Variants in DGKI observed in about 807,000 individuals in gnomAD.
DGKI encodes diacylglycerol kinase iota, also known as DAG kinase iota.
A neutral mutation model predicts 147.5 loss-of-function variants in DGKI; 55 were observed. The ratio of observed to expected loss-of-function variants is 0.37; its 90% confidence interval spans 0.30 to 0.47. The LOEUF (loss-of-function observed/expected upper bound fraction) is 0.47, where lower values mean the gene tolerates loss of function less well. Ranked by LOEUF, DGKI falls within the 20% of genes least tolerant of loss-of-function variation. DGKI has a pLI of 1.00. For synonymous variants in DGKI, 469 were observed against 477.1 expected (o/e 0.98, Z 0.22); for missense variants, 1,007 against 1,323.8 (o/e 0.76, Z 3.71).
intron 6 of DGKI, among the ~76,000 whole-genome samples, chr7:137,635,988 A>C (rs1197968767): frequency 6.6e-6 from 1 of 152,158 alleles, no homozygotes; most frequent in African/African-American, 2.4e-5. Flanking sequence ...GTTACTTTGG[A>C]ATTTTTGTGT....
intron 1 of DGKI, among the ~76,000 whole-genome samples, chr7:137,691,211 C>T (rs560255417): frequency 3.1e-4 from 47 of 152,288 alleles, no homozygotes; most frequent in African/African-American, 1.1e-3. Context: ...GGAGCATGTA[C>T]ATTTAAGCAG....
intron 1 of DGKI, among the ~76,000 whole-genome samples, chr7:137,798,576 C>G (rs780838014): frequency 1.3e-5 from 2 of 152,036 alleles, no homozygotes; most frequent in Non-Finnish European, 2.9e-5. Context: ...TGCACCATCA[C>G]GCCTAGCTAA....
rs763612627 is a variant in DGKI, at chr7:137,552,580, A to G, written c.1948-12T>C. ...ACTTGCAGGGCTGCCTATAAAAACA[A>G]GAGTCAAAGGGGAGCAAGGAGTTAG... On this transcript the variant is annotated splice_polypyrimidine_tract_variant and intron_variant, in intron 19 of 32. Transcript: ENST00000614521. 58 of 1,613,562 alleles carry G rather than the reference A, an allele frequency of 3.6e-5. No homozygotes were observed. The highest frequency in any genetic ancestry group is 1.3e-4 in the Admixed American group (8 of 59,986).
At chr7:137,737,204 CAAA>C (rs763572711) in intron 1 of DGKI, among the ~76,000 whole-genome samples, 2,009 of 83,504 alleles carry the variant, frequency 0.024, 41 homozygotes, top group African/African-American at 0.074. Context: ...CTCATTTCAC[CAAA>C]AAAAAAAAAA....
intron 2 of DGKI, among the ~76,000 whole-genome samples, chr7:137,686,863 G>A (rs1004683159): frequency 3.3e-5 from 5 of 152,172 alleles, no homozygotes; most frequent in Non-Finnish European, 7.3e-5. Context: ...ATAGGCTAGT[G>A]TCAGAACACG....
At chr7:137,794,627 C>T (rs1796968440) in intron 1 of DGKI, among the ~76,000 whole-genome samples, 1 of 152,202 alleles carries the variant, frequency 6.6e-6, no homozygotes, top group Non-Finnish European at 1.5e-5. Flanking sequence ...GCTGATGCTG[C>T]ACTCTTTGAA....
At chr7:137,570,797 C>T (rs1818767395) in intron 19 of DGKI, among the ~76,000 whole-genome samples, 2 of 152,138 alleles carry the variant, frequency 1.3e-5, no homozygotes. Flanking sequence ...CCATGTTGGT[C>T]AGGCTCTTCT....
intron 28 of DGKI, among the ~76,000 whole-genome samples, chr7:137,427,628 G>A (rs1485509628): frequency 2.6e-5 from 4 of 151,930 alleles, no homozygotes; most frequent in Non-Finnish European, 5.9e-5. Context: ...TTTTTGAAAG[G>A]ATCAACAAAA....
At chr7:137,457,053 C>T (rs1367558996) in intron 27 of DGKI, among the ~76,000 whole-genome samples, 1 of 152,114 alleles carries the variant, frequency 6.6e-6, no homozygotes, top group Non-Finnish European at 1.5e-5. Flanking sequence ...TCATTTCAAA[C>T]TCAAGGTAAG....
intron 1 of DGKI, among the ~76,000 whole-genome samples, chr7:137,740,658 C>A (rs1385058531): frequency 6.6e-6 from 1 of 152,178 alleles, no homozygotes; most frequent in Non-Finnish European, 1.5e-5. Context: ...AACAACTAAG[C>A]AACATGCTTG....
chr7:137,390,081 T>A lies in DGKI; in HGVS notation c.*1139A>T, dbSNP rs1585067565. 6.6e-6 allele frequency: 1 copy of A among 152,126 alleles called. No individual in the cohort carries two copies. The highest frequency in any genetic ancestry group is 1.5e-5 in the Non-Finnish European group (1 of 68,028). The allele number at this position is 152,126 out of a possible 1,614,324, so 9.4% of individuals were successfully genotyped here. A position where few individuals can be genotyped will look rare whatever the true frequency, so the allele number is the denominator to read the frequency against. ...TAAAATGGGGCTCCTCTCACCACTGTATCCAACAGTCTATAGTTATTAGCC... is the reference window on the plus strand; with the variant it reads ...TAAAATGGGGCTCCTCTCACCACTGAATCCAACAGTCTATAGTTATTAGCC... On this transcript the variant is annotated 3_prime_UTR_variant, in exon 33 of 33. Coordinates refer to ENST00000614521, the MANE Select transcript of DGKI (RefSeq NM_001321708.2).
intron 21 of DGKI, among the ~76,000 whole-genome samples, chr7:137,508,219 CTTTTTTTTTTTTTTTTTTT>C (rs1171968411): frequency 3.9e-4 from 36 of 92,534 alleles, no homozygotes; most frequent in African/African-American, 1.5e-3. Context: ...AGACAGGTTT[CTTTTTTTTTTTTTTTTTTT>C]TTTTTTTGAG....
At chr7:137,394,912 AT>A (rs1339028185) in intron 32 of DGKI, among the ~76,000 whole-genome samples, 4 of 152,212 alleles carry the variant, frequency 2.6e-5, no homozygotes, top group African/African-American at 9.6e-5. Flanking sequence ...AAAGAGCTCA[AT>A]TTAATTTAAG....
chr7:137,712,312 T>G (rs3800630), intron 1 of DGKI, among the ~76,000 whole-genome samples: 49,755 of 151,998 alleles, frequency 0.33, 8,919 homozygotes, highest in South Asian at 0.5. Flanking sequence ...AATATTTTGT[T>G]GTATCCTACT....
chr7:137,444,922 C>T (rs1813655667), intron 27 of DGKI, among the ~76,000 whole-genome samples: 1 of 152,026 alleles, frequency 6.6e-6, no homozygotes, highest in African/African-American at 2.4e-5. Context: ...AGACATATAA[C>T]ATTATATTCA....
chr7:137,405,168 T>A (rs1811895469), intron 30 of DGKI, among the ~76,000 whole-genome samples: 1 of 152,250 alleles, frequency 6.6e-6, no homozygotes, highest in South Asian at 2.1e-4. Flanking sequence ...TGAGGAGTTC[T>A]GCTGTTTTCA....
intron 23 of DGKI, among the ~76,000 whole-genome samples, chr7:137,480,863 G>A (rs772889887): frequency 6.6e-6 from 1 of 151,756 alleles, no homozygotes; most frequent in Admixed American, 6.6e-5. Context: ...GGAAACCCAG[G>A]GTGTCTACAA....
At chr7:137,397,853 C>A (rs755690534) in intron 30 of DGKI, among the ~76,000 whole-genome samples, 7 of 152,146 alleles carry the variant, frequency 4.6e-5, no homozygotes, top group South Asian at 4.1e-4. Flanking sequence ...ATCTAGGGTA[C>A]AATTCCAGTT....
At chr7:137,428,885 G>T (rs1464369452) in intron 28 of DGKI, among the ~76,000 whole-genome samples, 1 of 152,050 alleles carries the variant, frequency 6.6e-6, no homozygotes, top group Non-Finnish European at 1.5e-5. Flanking sequence ...ACAAACAACT[G>T]CTCAATGAAA....
Sources: allele counts gnomAD v4.1 joint callset (sites outside exome capture counted in the v4.1 genomes callset), GRCh38; gene constraint gnomAD v4.1.1; transcripts MANE v1.5; gene names NCBI Gene and HGNC (gene_info 2026-07-23, HGNC 2026-07-21).